Variants in CHST11 observed in about 807,000 individuals in gnomAD.
CHST11 encodes carbohydrate sulfotransferase 11.
A neutral mutation model predicts 30.4 loss-of-function variants in CHST11; 9 were observed. That is an observed-to-expected ratio of 0.30 (90% CI 0.18 to 0.52). The LOEUF (loss-of-function observed/expected upper bound fraction) is 0.52, where lower values mean the gene tolerates loss of function less well. CHST11 is among the 20% of genes least tolerant of loss of function. The pLI is 0.97. For missense variants in CHST11, 348 were observed against 460.6 expected, an observed-to-expected ratio of 0.76 and a Z score of 2.24; for synonymous variants, 152 against 187.8, an observed-to-expected ratio of 0.81 and a Z score of 1.56.
intron 2 of CHST11, among the ~76,000 whole-genome samples, chr12:104,636,151 G>A (rs1266786256): frequency 2.0e-5 from 3 of 152,204 alleles, no homozygotes; most frequent in Non-Finnish European, 4.4e-5. Context: ...CAGTAGGGCT[G>A]TGGCAGAGGC....
chr12:104,525,862 T>G (rs1283348841), intron 1 of CHST11, among the ~76,000 whole-genome samples: 1 of 150,776 alleles, frequency 6.6e-6, no homozygotes, highest in Non-Finnish European at 1.5e-5. Context: ...TTTGCATCTT[T>G]GCTATGATGC....
chr12:104,476,715 A>T (rs960226882), intron 1 of CHST11, among the ~76,000 whole-genome samples: 56 of 151,968 alleles, frequency 3.7e-4, no homozygotes, highest in Non-Finnish European at 8.8e-5. Context: ...GTATCTATTG[A>T]TGCTCCAACC....
intron 1 of CHST11, among the ~76,000 whole-genome samples, chr12:104,590,073 C>G (rs1400480267): frequency 6.6e-6 from 1 of 152,130 alleles, no homozygotes; most frequent in African/African-American, 2.4e-5. Flanking sequence ...CGTCCCTTGG[C>G]TATTAGGTGC....
intron 1 of CHST11, among the ~76,000 whole-genome samples, chr12:104,527,839 C>A (rs1030476605): frequency 6.6e-6 from 1 of 152,200 alleles, no homozygotes; most frequent in African/African-American, 2.4e-5. Flanking sequence ...AACTTACAAT[C>A]ATGGCGGAAG....
intron 1 of CHST11, among the ~76,000 whole-genome samples, chr12:104,574,680 A>G (rs1220338791): frequency 6.8e-6 from 1 of 146,502 alleles, no homozygotes; most frequent in African/African-American, 2.5e-5. Context: ...GAACACAGGA[A>G]GGGGAACATC....
intron 2 of CHST11, among the ~76,000 whole-genome samples, chr12:104,753,390 C>T (rs781224125): frequency 3.9e-5 from 6 of 152,202 alleles, no homozygotes; most frequent in Non-Finnish European, 7.3e-5. Flanking sequence ...TGGCTCACAA[C>T]GAGCACTCAC....
intron 1 of CHST11, among the ~76,000 whole-genome samples, chr12:104,559,282 G>A (rs571913631): frequency 6.6e-6 from 1 of 152,288 alleles, no homozygotes; most frequent in East Asian, 1.9e-4. Flanking sequence ...ACAGTACTTG[G>A]CATGTAGTAA....
rs777669819 is a variant in CHST11 at position 104,676,186 on chromosome 12, G to A, written c.204+74195G>A. 3.9e-5 allele frequency among the ~76,000 whole-genome samples: 6 copies of A among 152,196 alleles called. No individual in the cohort carries two copies. The highest frequency in any genetic ancestry group is 7.3e-5 in the Non-Finnish European group (5 of 68,034). ...CTGTAACAAAATGCTACAAAGTAGA[G>A]GCTGAAACAATATAAATGTGTTATT... On this transcript the variant is annotated intron_variant, in intron 2 of 2. Coordinates refer to ENST00000303694, the MANE Select transcript of CHST11 (RefSeq NM_018413.6). This position sits in a 1 kb window ranked among gnomAD's most constrained non-coding sequence, Gnocchi z 4.4.
At chr12:104,485,942 C>T (rs185611790) in intron 1 of CHST11, among the ~76,000 whole-genome samples, 4 of 152,306 alleles carry the variant, frequency 2.6e-5, no homozygotes, top group Admixed American at 2.0e-4. Context: ...TTTGCACGGC[C>T]TGCTTGGTTA....
At chr12:104,701,072 T>C (rs1187839396) in intron 2 of CHST11, among the ~76,000 whole-genome samples, 1 of 152,062 alleles carries the variant, frequency 6.6e-6, no homozygotes. Context: ...ACAACAATAA[T>C]AACACCAGAT....
At chr12:104,571,994 C>T (rs2038631072) in intron 1 of CHST11, among the ~76,000 whole-genome samples, 1 of 152,200 alleles carries the variant, frequency 6.6e-6, no homozygotes, top group Non-Finnish European at 1.5e-5. Flanking sequence ...GTCGTTGGTT[C>T]TGTTTATATG....
chr12:104,669,825 C>T (rs901441152), intron 2 of CHST11, among the ~76,000 whole-genome samples: 1 of 152,212 alleles, frequency 6.6e-6, no homozygotes, highest in Admixed American at 6.5e-5. Context: ...CAGATCCCAG[C>T]TCTGCCACTT....
intron 1 of CHST11, among the ~76,000 whole-genome samples, chr12:104,531,572 T>C (rs1484671984): frequency 6.6e-6 from 1 of 152,174 alleles, no homozygotes; most frequent in African/African-American, 2.4e-5. Context: ...ATTTATTTTT[T>C]CTTTCCCTCA....
At chr12:104,595,660 C>T (rs1390137133) in intron 1 of CHST11, among the ~76,000 whole-genome samples, 1 of 152,228 alleles carries the variant, frequency 6.6e-6, no homozygotes, top group East Asian at 1.9e-4. Flanking sequence ...GGATCCAGCT[C>T]TGTGGCTTTC....
At chr12:104,560,772 A>G (rs1226898820) in intron 1 of CHST11, among the ~76,000 whole-genome samples, 1 of 152,190 alleles carries the variant, frequency 6.6e-6, no homozygotes, top group African/African-American at 2.4e-5. Context: ...TACATCCTCC[A>G]TTATAAACCC....
At position 104,513,794 on chromosome 12, in the gene CHST11, T is replaced by C. The variant is rs552842284; in HGVS notation, c.118+56265T>C. On this transcript the variant is annotated intron_variant, in intron 1 of 2. Coordinates refer to ENST00000303694, the MANE Select transcript of CHST11 (RefSeq NM_018413.6). Reference sequence around the variant, plus strand: ...TTGATGATGGATTAGTTGAGGTCTTTGTATTCATTATTGGCAAGGTTTCGA... The same window carrying C: ...TTGATGATGGATTAGTTGAGGTCTTCGTATTCATTATTGGCAAGGTTTCGA... Among the ~76,000 whole-genome samples the C allele has an allele frequency of 3.3e-5, 5 of 152,362 alleles. No individual in the cohort carries two copies. The East Asian group carries it at 9.6e-4, about 29-fold the overall frequency.
intron 1 of CHST11, among the ~76,000 whole-genome samples, chr12:104,492,755 C>T (rs568955123): frequency 5.9e-5 from 9 of 152,242 alleles, no homozygotes; most frequent in East Asian, 5.8e-4. Flanking sequence ...AGGATGTGTC[C>T]GGGTGCGGTG....
intron 2 of CHST11, among the ~76,000 whole-genome samples, chr12:104,671,411 G>GA (rs2039696489): frequency 6.6e-6 from 1 of 152,152 alleles, no homozygotes; most frequent in East Asian, 1.9e-4. Context: ...GGGTTGTTAA[G>GA]AATATTCGAT....
chr12:104,573,329 T>C (rs2038648335), intron 1 of CHST11, among the ~76,000 whole-genome samples: 1 of 152,102 alleles, frequency 6.6e-6, no homozygotes, highest in South Asian at 2.1e-4. Flanking sequence ...AAGCTACCAA[T>C]GACTTTCTTC....
Sources: allele counts gnomAD v4.1 joint callset (sites outside exome capture counted in the v4.1 genomes callset), GRCh38; gene constraint gnomAD v4.1.1; non-coding constraint Gnocchi (gnomAD v3.1); transcripts MANE v1.5; gene names NCBI Gene and HGNC (gene_info 2026-07-23, HGNC 2026-07-21).